CLMN: variants seen among roughly 807,000 people sequenced by gnomAD.
CLMN encodes the protein calmin (calponin-like, transmembrane).
A neutral mutation model predicts 92.7 loss-of-function variants in CLMN; 57 were observed. The ratio of observed to expected loss-of-function variants is 0.61; its 90% CI spans 0.50 to 0.77. The LOEUF is 0.77. Ranked by LOEUF, CLMN falls within the 30% of genes least tolerant of loss-of-function variation. The pLI is 0.00. For missense variants in CLMN, 1,158 were observed against 1,237.5 expected, an observed-to-expected ratio of 0.94 and a Z score of 0.96; for synonymous variants, 466 against 470.6, an observed-to-expected ratio of 0.99 and a Z score of 0.13.
chr14:95,210,057 AT>A (rs5810717), intron 7 of CLMN, among the ~76,000 whole-genome samples: 17,095 of 147,454 alleles, frequency 0.12, 1,493 homozygotes, highest in East Asian at 0.44. Context: ...AGCTAAGTAC[AT>A]TTTTTTTTTT....
At chr14:95,314,469 C>T (rs1233371881) in intron 1 of CLMN, among the ~76,000 whole-genome samples, 1 of 152,098 alleles carries the variant, frequency 6.6e-6, no homozygotes, top group African/African-American at 2.4e-5. Context: ...TAGGTGGGCA[C>T]CTGCCCAGGC....
At chr14:95,285,539 C>T (rs954301549) in intron 1 of CLMN, among the ~76,000 whole-genome samples, 6 of 152,214 alleles carry the variant, frequency 3.9e-5, no homozygotes, top group African/African-American at 1.4e-4. Context: ...GCTGTTGACA[C>T]ACAAGCTAGG....
intron 1 of CLMN, among the ~76,000 whole-genome samples, chr14:95,282,341 A>G (rs946894952): frequency 7.2e-5 from 11 of 152,192 alleles, no homozygotes; most frequent in African/African-American, 2.4e-4. Context: ...GATATTGGAA[A>G]GAGAAGCAAG....
At chr14:95,243,677 T>C (rs949069388) in intron 1 of CLMN, among the ~76,000 whole-genome samples, 1 of 151,674 alleles carries the variant, frequency 6.6e-6, no homozygotes, top group Non-Finnish European at 1.5e-5. Flanking sequence ...AGGTAAAATT[T>C]TTCAATAGAT....
rs772307808 is a variant in CLMN at position 95,319,817 on chromosome 14, C to G, written c.-25G>C. On this transcript the variant is annotated 5_prime_UTR_variant, in exon 1 of 13. Coordinates refer to ENST00000298912, the MANE Select transcript of CLMN (RefSeq NM_024734.4). The stretch of plus-strand genomic sequence containing the variant: ...TGAAGCGCGGGCGGGAGAGCCCGGG[C>G]CAGCGCGGCGCGGGCGGCGGGCGCG... 1 of 1,357,384 alleles carries G rather than the reference C, an allele frequency of 7.4e-7. No individual in the cohort carries two copies. Among genetic ancestry groups the G allele is most frequent in the Non-Finnish European group, 9.5e-7 (1 of 1,050,180 alleles). 84.1% of individuals were successfully genotyped at this position (1,357,384 alleles called of 1,614,324 possible). A position where few individuals can be genotyped will look rare whatever the true frequency, so the allele number is the denominator to read the frequency against.
At chr14:95,209,571 T>C (rs2140588127) in intron 7 of CLMN, 94 bp from the exon 8 acceptor site, 3 of 990,552 alleles carry the variant, frequency 3.0e-6, no homozygotes, top group Non-Finnish European at 4.8e-6. Flanking sequence ...TCCCACAGAT[T>C]ATTGAAGGTT....
intron 1 of CLMN, among the ~76,000 whole-genome samples, chr14:95,249,056 G>GA (rs1216283697): frequency 6.7e-6 from 1 of 148,988 alleles, no homozygotes; most frequent in East Asian, 1.9e-4. Flanking sequence ...AATTACAACA[G>GA]AAAAAAAGGC....
Position 95,188,467 on chromosome 14 carries a change from T to TA in CLMN, c.*3096dup, listed in dbSNP as rs1281920286. Reference sequence around the variant, plus strand: ...CAATAAAACATTCAGATTGGGAAGATAAAAATGAATAATTCTTCCTGAAAG... The same window carrying TA: ...CAATAAAACATTCAGATTGGGAAGATAAAAAATGAATAATTCTTCCTGAAAG... On this transcript the variant is annotated 3_prime_UTR_variant, in exon 13 of 13. Coordinates refer to ENST00000298912, the MANE Select transcript of CLMN (RefSeq NM_024734.4). 3.9e-5 allele frequency: 6 copies of TA among 152,058 alleles called. No individual in the cohort carries two copies. The highest frequency in any genetic ancestry group is 7.4e-5 in the Non-Finnish European group (5 of 67,992). 9.4% of individuals were successfully genotyped at this position (152,058 alleles called of 1,614,324 possible). A position where few individuals can be genotyped will look rare whatever the true frequency, so the allele number is the denominator to read the frequency against.
intron 1 of CLMN, among the ~76,000 whole-genome samples, chr14:95,296,686 G>A (rs1207090368): frequency 6.6e-6 from 1 of 152,200 alleles, no homozygotes; most frequent in Admixed American, 6.5e-5. Context: ...GTAACGGCTG[G>A]AGCTCTAGCA....
intron 1 of CLMN, among the ~76,000 whole-genome samples, chr14:95,248,912 C>A (rs910255426): frequency 6.6e-6 from 1 of 152,122 alleles, no homozygotes. Flanking sequence ...TTACTATGTA[C>A]CCTGTACATA....
chr14:95,196,800 C>T (rs1421231913), intron 9 of CLMN, 106 bp from the exon 10 acceptor site: 2 of 1,031,480 alleles, frequency 1.9e-6, no homozygotes, highest in East Asian at 2.5e-5. Context: ...GGCGTCCCTT[C>T]CAATTCTGCC....
intron 4 of CLMN, among the ~76,000 whole-genome samples, chr14:95,221,446 C>T (rs568742124): frequency 9.2e-5 from 14 of 152,328 alleles, no homozygotes; most frequent in Admixed American, 4.6e-4. Context: ...TGCCTTTCTA[C>T]GACTGAACGT....
chr14:95,223,873 A>G lies in CLMN; in HGVS notation c.145-18T>C. 1 of 1,571,412 alleles carries G rather than the reference A, an allele frequency of 6.4e-7. No homozygotes were observed. The highest frequency in any genetic ancestry group is 8.7e-7 in the Non-Finnish European group (1 of 1,145,474). On this transcript the variant is annotated intron_variant, in intron 2 of 12. Coordinates refer to ENST00000298912, the MANE Select transcript of CLMN (RefSeq NM_024734.4). ...GGGTTGCACTTTGAAAGAGAAGGGA[A>G]GAAAGTAGCCAATTAGCAACCTGTG...
intron 1 of CLMN, among the ~76,000 whole-genome samples, chr14:95,300,360 T>A (rs1413110100): frequency 6.6e-6 from 1 of 152,184 alleles, no homozygotes; most frequent in South Asian, 2.1e-4. Context: ...GCTGAGCCTG[T>A]TTTAAAAGAA....
rs561588937 is a variant in CLMN at position 95,294,595 on chromosome 14, T to A, written c.82+25116A>T. On this transcript the variant is annotated intron_variant, in intron 1 of 12. Transcript: ENST00000298912. This position sits in a 1 kb window ranked among gnomAD's most constrained non-coding sequence, Gnocchi z 4.2. ...AAGTTACCTCCTGGTCTCTACCTTG[T>A]AGAAAAGGGCACTTATTTTCAGGTG... 6.6e-6 allele frequency among the ~76,000 whole-genome samples: 1 copy of A among 152,236 alleles called. No homozygotes were observed. The highest frequency in any genetic ancestry group is 1.5e-5 in the Non-Finnish European group (1 of 68,040).
chr14:95,301,507 G>A lies in CLMN; in HGVS notation c.82+18204C>T, dbSNP rs551521853. ...CACACTCACACATTGAGGGATGCTG[G>A]CCTCCAGCCAGCCTAGGCCATGTCC... On this transcript the variant is annotated intron_variant, in intron 1 of 12. Coordinates refer to ENST00000298912, the MANE Select transcript of CLMN (RefSeq NM_024734.4). Among the ~76,000 whole-genome samples, 386 of 81,584 alleles carry A rather than the reference G, an allele frequency of 4.7e-3. 1 individual carries two copies. Among genetic ancestry groups the A allele is most frequent in the Admixed American group, 1.0e-2 (69 of 6,922 alleles). The allele number at this position is 81,584 out of a possible 152,430, so 53.5% of individuals were successfully genotyped here. A position where few individuals can be genotyped will look rare whatever the true frequency, so the allele number is the denominator to read the frequency against.
chr14:95,319,432 G>A (rs1289291044), intron 1 of CLMN, among the ~76,000 whole-genome samples: 1 of 152,188 alleles, frequency 6.6e-6, no homozygotes, highest in Non-Finnish European at 1.5e-5. Flanking sequence ...GGTGACTGGA[G>A]GGGGTGGTGA....
chr14:95,307,900 G>C (rs1223264818), intron 1 of CLMN: 2 of 152,226 alleles, frequency 1.3e-5, no homozygotes, highest in South Asian at 2.1e-4. Context: ...CTCACTCGCT[G>C]AGAACAGGGC....
intron 1 of CLMN, among the ~76,000 whole-genome samples, chr14:95,292,085 A>G (rs1384553588): frequency 6.6e-6 from 1 of 152,204 alleles, no homozygotes; most frequent in Non-Finnish European, 1.5e-5. Context: ...TTTTGGGCCT[A>G]TTTCACAGAT....
Sources: allele counts gnomAD v4.1 joint callset (sites outside exome capture counted in the v4.1 genomes callset), GRCh38; gene constraint gnomAD v4.1.1; non-coding constraint Gnocchi (gnomAD v3.1); transcripts MANE v1.5; gene names NCBI Gene and HGNC (gene_info 2026-07-23, HGNC 2026-07-21).